MAPDA: variants seen among roughly 807,000 people sequenced by gnomAD.
MAPDA encodes the protein N6,N6-dimethyl-AMP deaminase.
the MAPDA span, among the ~76,000 whole-genome samples, chr15:43,342,613 G>C: frequency 2.0e-5 from 3 of 151,928 alleles, no homozygotes; most frequent in Admixed American, 2.0e-4. Flanking sequence ...AGCTGGGCGT[G>C]GTGGTACCTT....
chr15:43,337,280 A>C, the MAPDA span, among the ~76,000 whole-genome samples: 1 of 151,358 alleles, frequency 6.6e-6, no homozygotes, highest in East Asian at 1.9e-4. Flanking sequence ...CGTCTCAAAA[A>C]AAAAAAAAAA....
the MAPDA span, among the ~76,000 whole-genome samples, chr15:43,345,213 G>A: frequency 6.6e-6 from 1 of 152,016 alleles, no homozygotes; most frequent in Non-Finnish European, 1.5e-5. Flanking sequence ...AATTAGCCGG[G>A]CGTGGTGGCA....
At chr15:43,334,112 T>C in the MAPDA span, among the ~76,000 whole-genome samples, 15 of 152,186 alleles carry the variant, frequency 9.9e-5, no homozygotes, top group Admixed American at 9.2e-4. Flanking sequence ...CTGGCTCATG[T>C]GGGAACATAG....
At chr15:43,348,803 G>A in the MAPDA span, 1 of 1,220,824 alleles carries the variant, frequency 8.2e-7, no homozygotes, top group Admixed American at 2.5e-5. Context: ...CAAAAGGTCT[G>A]CATTAAGTAC....
the MAPDA span, chr15:43,330,514 A>G: frequency 2.6e-6 from 4 of 1,510,914 alleles, no homozygotes; most frequent in East Asian, 9.3e-5. Context: ...CAGGAATGGC[A>G]GTCTGTCACG....
chr15:43,350,276 C>A, the MAPDA span, among the ~76,000 whole-genome samples: 20 of 143,128 alleles, frequency 1.4e-4, no homozygotes, highest in African/African-American at 5.2e-4. Context: ...GATGGGGTTT[C>A]ACTGTGTTAG....
At chr15:43,341,068 C>T in the MAPDA span, among the ~76,000 whole-genome samples, 4 of 152,162 alleles carry the variant, frequency 2.6e-5, no homozygotes, top group Non-Finnish European at 5.9e-5. Context: ...GGAGGAATTT[C>T]CTGAGATCCT....
chr15:43,349,086 C>G, the MAPDA span: 1 of 1,613,544 alleles, frequency 6.2e-7, no homozygotes, highest in Non-Finnish European at 8.5e-7. Context: ...GACTCTCTGT[C>G]TCTCCCCCAA....
the MAPDA span, chr15:43,347,226 C>T: frequency 5.7e-6 from 4 of 699,628 alleles, no homozygotes; most frequent in South Asian, 6.1e-5. Flanking sequence ...AATATTTTTA[C>T]ATCTAAATTT....
chr15:43,341,978 A>G, the MAPDA span, among the ~76,000 whole-genome samples: 1 of 152,056 alleles, frequency 6.6e-6, no homozygotes, highest in African/African-American at 2.4e-5. Context: ...AGCAGGGATT[A>G]TAGGCACATG....
At chr15:43,330,570 A>G in the MAPDA span, 1 of 1,453,024 alleles carries the variant, frequency 6.9e-7, no homozygotes, top group Non-Finnish European at 9.1e-7. Context: ...GGACCTCGGT[A>G]GGGGGAAAAA....
At chr15:43,346,500 T>C in the MAPDA span, among the ~76,000 whole-genome samples, 8 of 152,226 alleles carry the variant, frequency 5.3e-5, no homozygotes, top group East Asian at 1.3e-3. Flanking sequence ...CTCCCAGATA[T>C]GACAACCAAA....
chr15:43,331,049 C>CA, the MAPDA span, among the ~76,000 whole-genome samples: 1 of 152,324 alleles, frequency 6.6e-6, no homozygotes, highest in Admixed American at 6.5e-5. Context: ...AACTTGAAAA[C>CA]AAGTCACTAA....
chr15:43,346,762 T>G, the MAPDA span, among the ~76,000 whole-genome samples: 3 of 152,238 alleles, frequency 2.0e-5, no homozygotes, highest in Non-Finnish European at 2.9e-5. Context: ...TGGTGACTAC[T>G]ATATCCAGCT....
chr15:43,351,893 C>T, the MAPDA span: 2 of 1,551,670 alleles, frequency 1.3e-6, no homozygotes, highest in Non-Finnish European at 1.7e-6. Flanking sequence ...AGCACCAGAT[C>T]TGAACTGAGG....
chr15:43,339,473 C>G, the MAPDA span, among the ~76,000 whole-genome samples: 1 of 152,158 alleles, frequency 6.6e-6, no homozygotes, highest in East Asian at 1.9e-4. Context: ...AACAGCCAGC[C>G]CCTCTTGCTT....
chr15:43,337,122 A>G, the MAPDA span, among the ~76,000 whole-genome samples: 1 of 151,456 alleles, frequency 6.6e-6, no homozygotes. Context: ...CAAAAAAAAA[A>G]AAAATTAGCC....
the MAPDA span, chr15:43,349,095 A>G: frequency 6.2e-7 from 1 of 1,612,438 alleles, no homozygotes; most frequent in Non-Finnish European, 8.5e-7. Flanking sequence ...TCTCTCCCCC[A>G]ATCCCCAGGT....
chr15:43,347,534 CT>C, the MAPDA span, among the ~76,000 whole-genome samples: 1 of 152,186 alleles, frequency 6.6e-6, no homozygotes, highest in Non-Finnish European at 1.5e-5. Flanking sequence ...TCCAGTGCCC[CT>C]CATCAGCCCC....
Sources: gnomAD v4.1 joint callset for allele counts (sites outside exome capture counted in the v4.1 genomes callset) on GRCh38, gnomAD v4.1.1 for gene constraint, MANE v1.5 for transcripts, NCBI Gene and HGNC (gene_info 2026-07-23, HGNC 2026-07-21) for gene names.